SLC25A12: variants seen among roughly 807,000 people sequenced by gnomAD.
The protein encoded by SLC25A12 is electrogenic aspartate/glutamate antiporter SLC25A12, mitochondrial.
A neutral mutation model predicts 83.3 loss-of-function variants in SLC25A12; 32 were observed. That is an observed-to-expected ratio of 0.38 (90% CI 0.29 to 0.52). The LOEUF (loss-of-function observed/expected upper bound fraction) is 0.52, where lower values mean the gene tolerates loss of function less well. Among genes scored for constraint, SLC25A12 ranks in the 20% least tolerant of loss-of-function variants. The probability of loss-of-function intolerance (pLI) is 0.84; values close to 1 mark genes in which losing one functional copy is unlikely to be tolerated. For synonymous variants in SLC25A12, 267 were observed against 291.1 expected (o/e 0.92, Z 0.84); for missense variants, 611 against 835.6 (o/e 0.73, Z 3.31).
At chr2:171,826,402 G>A (rs1684300772) in intron 9 of SLC25A12, among the ~76,000 whole-genome samples, 1 of 152,206 alleles carries the variant, frequency 6.6e-6, no homozygotes, top group African/African-American at 2.4e-5. Context: ...GAGGTCACGA[G>A]TTCAAGACCA....
At chr2:171,848,620 G>C (rs147063249) in intron 4 of SLC25A12, among the ~76,000 whole-genome samples, 1 of 151,990 alleles carries the variant, frequency 6.6e-6, no homozygotes, top group African/African-American at 2.4e-5. Flanking sequence ...AGCCAAAAAA[G>C]AAAACAAAGG....
intron 14 of SLC25A12, 97 bp downstream of exon 14, chr2:171,793,530 C>A: frequency 1.6e-6 from 2 of 1,275,384 alleles, no homozygotes; most frequent in South Asian, 1.2e-5. Flanking sequence ...ACAGACTACC[C>A]TGCTGGACAA....
Position 171,809,057 on chromosome 2 carries a change from T to G in SLC25A12, c.1305+549A>C, listed in dbSNP as rs375396569. On this transcript the variant is annotated intron_variant, in intron 13 of 17. Coordinates refer to ENST00000422440, the MANE Select transcript of SLC25A12 (RefSeq NM_003705.5). ...ACTCATCCTTTTTTATGGCTGCATA[T>G]TATTCCATGGTGTATATGTGCCAAA... is the stretch of plus-strand genomic sequence containing the variant. Among the ~76,000 whole-genome samples the G allele has an allele frequency of 5.3e-5, 8 of 152,326 alleles. No individual in the cohort carries two copies. The South Asian group carries it at 1.7e-3, about 32-fold the overall frequency.
intron 2 of SLC25A12, among the ~76,000 whole-genome samples, chr2:171,890,029 T>C (rs565271677): frequency 6.6e-6 from 1 of 152,348 alleles, no homozygotes; most frequent in African/African-American, 2.4e-5. Flanking sequence ...AGGCTATGCA[T>C]TTGCCTTCAC....
intron 4 of SLC25A12, among the ~76,000 whole-genome samples, chr2:171,847,991 ATGAT>A (rs1684835415): frequency 6.6e-6 from 1 of 152,190 alleles, no homozygotes; most frequent in South Asian, 2.1e-4. Flanking sequence ...GTCACTTATG[ATGAT>A]TGGACTAGAT....
Position 171,866,916 on chromosome 2 carries a change from C to T in SLC25A12, c.209+1765G>A, listed in dbSNP as rs1282377924. On this transcript the variant is annotated intron_variant, in intron 3 of 17. Transcript: ENST00000422440. ...GCGGAGGGGCTCCTCACTTCTCAGA[C>T]GGGGCAGTTGCCAGGCGGAGGGTCT... 4.9e-4 allele frequency among the ~76,000 whole-genome samples: 72 copies of T among 147,434 alleles called. 1 individual carries two copies. Among genetic ancestry groups the T allele is most frequent in the Admixed American group, 4.9e-3 (72 of 14,806 alleles).
intron 2 of SLC25A12, among the ~76,000 whole-genome samples, chr2:171,888,347 C>T (rs1320198341): frequency 6.6e-6 from 1 of 151,710 alleles, no homozygotes; most frequent in Non-Finnish European, 1.5e-5. Flanking sequence ...GATCCTCCCA[C>T]CTCAGCCTCG....
chr2:171,884,340 G>A (rs997473510), intron 2 of SLC25A12, among the ~76,000 whole-genome samples: 14 of 151,528 alleles, frequency 9.2e-5, no homozygotes, highest in Non-Finnish European at 1.6e-4. Flanking sequence ...ACAGGCGCCC[G>A]CCACCACGCC....
chr2:171,891,881 AT>A (rs1685946607), intron 2 of SLC25A12, among the ~76,000 whole-genome samples: 1 of 152,220 alleles, frequency 6.6e-6, no homozygotes, highest in East Asian at 1.9e-4. Context: ...TAAGATTCCC[AT>A]TTTCACAAAT....
chr2:171,878,724 C>T (rs1043635503), intron 2 of SLC25A12, among the ~76,000 whole-genome samples: 2 of 152,174 alleles, frequency 1.3e-5, no homozygotes, highest in Non-Finnish European at 2.9e-5. Context: ...ATTCAAATGA[C>T]AATATCATGA....
intron 2 of SLC25A12, among the ~76,000 whole-genome samples, chr2:171,878,492 T>A (rs1383063023): frequency 6.6e-6 from 1 of 152,208 alleles, no homozygotes; most frequent in African/African-American, 2.4e-5. Flanking sequence ...AAGAAATTAT[T>A]GTTCTAACCT....
chr2:171,822,376 T>C (rs1423788358), intron 9 of SLC25A12, among the ~76,000 whole-genome samples: 1 of 152,188 alleles, frequency 6.6e-6, no homozygotes, highest in African/African-American at 2.4e-5. Flanking sequence ...AGATGCATAC[T>C]GCTATCCCTA....
chr2:171,793,461 TC>T (rs1389836299), intron 14 of SLC25A12, among the ~76,000 whole-genome samples, 165 bp downstream of exon 14: 1 of 152,140 alleles, frequency 6.6e-6, no homozygotes, highest in African/African-American at 2.4e-5. Flanking sequence ...TGCATGTGTA[TC>T]CCACTGCCTC....
intron 4 of SLC25A12, among the ~76,000 whole-genome samples, chr2:171,846,195 A>T (rs1000830365): frequency 1.3e-5 from 2 of 152,158 alleles, no homozygotes; most frequent in Non-Finnish European, 2.9e-5. Context: ...AACAAAAAGA[A>T]GTGTTTCATC....
chr2:171,887,864 T>G (rs1369351987), intron 2 of SLC25A12, among the ~76,000 whole-genome samples: 1 of 152,146 alleles, frequency 6.6e-6, no homozygotes, highest in East Asian at 1.9e-4. Flanking sequence ...AAAGGCAGAA[T>G]CTTAGTGCAT....
At chr2:171,830,135 T>G (rs1684399461) in intron 8 of SLC25A12, among the ~76,000 whole-genome samples, 1 of 152,240 alleles carries the variant, frequency 6.6e-6, no homozygotes. Context: ...TTGTTCCTAG[T>G]ATTACTACCT....
intron 9 of SLC25A12, among the ~76,000 whole-genome samples, chr2:171,816,733 G>T (rs1358220269): frequency 1.3e-5 from 2 of 152,104 alleles, no homozygotes; most frequent in African/African-American, 4.8e-5. Flanking sequence ...CTAAAATGTT[G>T]ATTAACCAGT....
rs2105827994 is a variant in SLC25A12, at chr2:171,784,048, A to G, written c.*1226T>C. On this transcript the variant is annotated 3_prime_UTR_variant, in exon 18 of 18. Coordinates refer to ENST00000422440, the MANE Select transcript of SLC25A12 (RefSeq NM_003705.5). ...TGATACTGCACATCAAATCACATCC[A>G]TATCAAAGTGTAGATGTGGCTGTCA... Among the ~76,000 whole-genome samples, 1 of 152,356 alleles carries G rather than the reference A, an allele frequency of 6.6e-6. No homozygotes were observed. The highest frequency in any genetic ancestry group is 6.5e-5 in the Admixed American group (1 of 15,304).
At chr2:171,863,945 T>A (rs893217327) in intron 3 of SLC25A12, among the ~76,000 whole-genome samples, 6 of 152,220 alleles carry the variant, frequency 3.9e-5, no homozygotes, top group African/African-American at 1.4e-4. Context: ...ATATAAAATC[T>A]TTCCAAAACA....
Sources: allele counts gnomAD v4.1 joint callset (sites outside exome capture counted in the v4.1 genomes callset), GRCh38; gene constraint gnomAD v4.1.1; transcripts MANE v1.5; gene names NCBI Gene and HGNC (gene_info 2026-07-23, HGNC 2026-07-21).